RAB3C: variants seen among roughly 807,000 people sequenced by gnomAD.
RAB3C encodes ras-related protein Rab-3C.
In RAB3C, 17 loss-of-function variants were observed where a neutral mutation model predicts 26.4. The ratio of observed to expected loss-of-function variants is 0.64; its 90% CI spans 0.44 to 0.97. The LOEUF is 0.97. RAB3C is among the 50% of genes least tolerant of loss of function. RAB3C has a pLI of 0.00. For missense variants in RAB3C, 242 were observed against 281.9 expected, an observed-to-expected ratio of 0.86 and a Z score of 1.01; for synonymous variants, 91 against 95.9, an observed-to-expected ratio of 0.95 and a Z score of 0.30.
At position 58,662,192 on chromosome 5, in the gene RAB3C, A is replaced by G. The variant is rs968416028; in HGVS notation, c.252+44322A>G. 5.3e-5 allele frequency among the ~76,000 whole-genome samples: 8 copies of G among 150,086 alleles called. 1 individual carries two copies. The highest frequency in any genetic ancestry group is 1.8e-4 in the African/African-American group (7 of 39,468). On this transcript the variant is annotated intron_variant, in intron 2 of 4. Coordinates refer to ENST00000282878, the MANE Select transcript of RAB3C (RefSeq NM_138453.4). ...TTGTGCCCTTTTCTTGGAAATTATT[A>G]GACTCTGGAAGGGGCAAAATTGTAG...
Position 58,851,227 on chromosome 5 carries a change from T to C in RAB3C, c.560T>C (p.Leu187Pro). ...AATGTCAAGCAGACATTTGAGCGCC[T>C]TGTGGATATCATCTGCGACAAAATG... ...NINVKQTFER[L>P]VDIICDKMSE... The change falls in exon 5 of 5, where the codon CTT becomes CCT. Residue 187 changes from leucine to proline, a missense_variant. Physicochemically the swap from Leu to Pro is moderately conservative, Grantham distance 98. Coordinates refer to ENST00000282878, the MANE Select transcript of RAB3C (RefSeq NM_138453.4). 6.2e-7 allele frequency: 1 copy of C among 1,613,954 alleles called. No individual in the cohort carries two copies. The highest frequency in any genetic ancestry group is 1.1e-5 in the South Asian group (1 of 91,064).
intron 2 of RAB3C, among the ~76,000 whole-genome samples, chr5:58,683,938 TTTA>T (rs1339225982): frequency 2.0e-5 from 3 of 152,178 alleles, no homozygotes; most frequent in African/African-American, 7.2e-5. Flanking sequence ...ATTGTTCTAT[TTTA>T]TTATTATTGT....
At chr5:58,643,881 G>T (rs1482949174) in intron 2 of RAB3C, among the ~76,000 whole-genome samples, 1 of 152,156 alleles carries the variant, frequency 6.6e-6, no homozygotes, top group African/African-American at 2.4e-5. Flanking sequence ...GAGTGCAGGG[G>T]TGTGATCTCA....
intron 3 of RAB3C, among the ~76,000 whole-genome samples, chr5:58,730,540 G>T (rs1368679683): frequency 6.6e-6 from 1 of 152,036 alleles, no homozygotes; most frequent in South Asian, 2.1e-4. Context: ...TCCAAGTGCT[G>T]ATCTTAAGTG....
intron 2 of RAB3C, among the ~76,000 whole-genome samples, chr5:58,640,337 T>C (rs1348528314): frequency 6.6e-6 from 1 of 152,190 alleles, no homozygotes; most frequent in Non-Finnish European, 1.5e-5. Context: ...TCAGAACTTG[T>C]AAAGTAGGAT....
chr5:58,803,776 C>G (rs901534768), intron 3 of RAB3C, among the ~76,000 whole-genome samples: 11 of 152,114 alleles, frequency 7.2e-5, no homozygotes, highest in Non-Finnish European at 1.5e-4. Flanking sequence ...ATATGAAATT[C>G]TTGGCCGGGC....
chr5:58,620,200 T>G (rs1746906938), intron 2 of RAB3C, among the ~76,000 whole-genome samples: 1 of 152,176 alleles, frequency 6.6e-6, no homozygotes, highest in African/African-American at 2.4e-5. Context: ...TGGGAATCCT[T>G]CACTTTCCCC....
chr5:58,583,829 G>A (rs572293496), intron 1 of RAB3C, among the ~76,000 whole-genome samples: 1 of 152,180 alleles, frequency 6.6e-6, no homozygotes, highest in Admixed American at 6.5e-5. Flanking sequence ...ACTCTGTTTT[G>A]GAGACAGCCC....
chr5:58,681,191 C>G (rs1162363670), intron 2 of RAB3C, among the ~76,000 whole-genome samples: 2 of 152,116 alleles, frequency 1.3e-5, no homozygotes, highest in Non-Finnish European at 1.5e-5. Context: ...AATAGTGAGG[C>G]ACTGCTTCCC....
chr5:58,603,013 G>C (rs989918721), intron 1 of RAB3C, among the ~76,000 whole-genome samples: 1 of 152,074 alleles, frequency 6.6e-6, no homozygotes, highest in Non-Finnish European at 1.5e-5. Flanking sequence ...GCTTGGTAAC[G>C]GTGAATTCTC....
intron 3 of RAB3C, among the ~76,000 whole-genome samples, chr5:58,776,036 A>G (rs1474695092): frequency 6.6e-6 from 1 of 151,812 alleles, no homozygotes; most frequent in East Asian, 1.9e-4. Context: ...AATCTACCAC[A>G]CTTTTCTTCT....
intron 2 of RAB3C, among the ~76,000 whole-genome samples, chr5:58,724,886 A>T (rs985817113): frequency 1.3e-5 from 2 of 151,440 alleles, no homozygotes; most frequent in African/African-American, 4.8e-5. Context: ...ACATATATTT[A>T]TATTGCCTTT....
At chr5:58,627,213 G>C (rs918682967) in intron 2 of RAB3C, among the ~76,000 whole-genome samples, 7 of 152,140 alleles carry the variant, frequency 4.6e-5, no homozygotes, top group African/African-American at 1.7e-4. Flanking sequence ...GATTTCCTCA[G>C]GATATTGCCT....
chr5:58,632,348 T>C (rs1747200897), intron 2 of RAB3C, among the ~76,000 whole-genome samples: 2 of 152,214 alleles, frequency 1.3e-5, no homozygotes, highest in Non-Finnish European at 2.9e-5. Flanking sequence ...ACTTGGGGAA[T>C]TTGTTATAAC....
intron 2 of RAB3C, among the ~76,000 whole-genome samples, chr5:58,698,336 T>G (rs1446632224): frequency 6.6e-6 from 1 of 152,212 alleles, no homozygotes; most frequent in Admixed American, 6.5e-5. Flanking sequence ...AACCTGACCT[T>G]TCTCTCTGGC....
chr5:58,743,595 G>GATGTT (rs1204009050), intron 3 of RAB3C, among the ~76,000 whole-genome samples: 1 of 152,054 alleles, frequency 6.6e-6, no homozygotes, highest in Non-Finnish European at 1.5e-5. Context: ...CCCAGTGTGT[G>GATGTT]ATGTTCCCCT....
In RAB3C at chr5:58,858,939, A is replaced by G. The variant is rs527448663; in HGVS notation, c.*7588A>G. The G allele has an allele frequency of 6.6e-6, 1 of 152,320 alleles. No homozygotes were observed. The highest frequency in any genetic ancestry group is 1.9e-4 in the East Asian group (1 of 5,180). 9.4% of individuals were successfully genotyped at this position (152,320 alleles called of 1,614,324 possible). A position where few individuals can be genotyped will look rare whatever the true frequency, so the allele number is the denominator to read the frequency against. ...AAACCATGAGAGATTGTCCGACCTA[A>G]TGCCACCTGGCAGATGTGTACCCAG... On this transcript the variant is annotated 3_prime_UTR_variant, in exon 5 of 5. Transcript: ENST00000282878.
intron 1 of RAB3C, among the ~76,000 whole-genome samples, chr5:58,616,707 G>A (rs1027839772): frequency 6.6e-6 from 1 of 152,154 alleles, no homozygotes; most frequent in Non-Finnish European, 1.5e-5. Context: ...ATCTAAGGCA[G>A]GAAACTGCAG....
chr5:58,716,052 A>T (rs1177966511), intron 2 of RAB3C, among the ~76,000 whole-genome samples: 3 of 145,118 alleles, frequency 2.1e-5, no homozygotes. Flanking sequence ...AAAGGAAAAA[A>T]AATAATAAAT....
Sources: gnomAD v4.1 joint callset for allele counts (sites outside exome capture counted in the v4.1 genomes callset) on GRCh38, gnomAD v4.1.1 for gene constraint, MANE v1.5 for transcripts, NCBI Gene and HGNC (gene_info 2026-07-23, HGNC 2026-07-21) for gene names.